Variants in LRRK1 observed in about 807,000 individuals in gnomAD.
LRRK1 encodes leucine-rich repeat serine/threonine-protein kinase 1.
LRRK1 carries 113 observed loss-of-function variants against 209.1 expected under a neutral mutation model. The ratio of observed to expected loss-of-function variants is 0.54; its 90% CI spans 0.46 to 0.63. The LOEUF (loss-of-function observed/expected upper bound fraction) is 0.63, where lower values mean the gene tolerates loss of function less well. Ranked by LOEUF, LRRK1 falls within the 30% of genes least tolerant of loss-of-function variation. The pLI is 0.00. For synonymous variants in LRRK1, 1,144 were observed against 1,099.7 expected (o/e 1.04, Z -0.80); for missense variants, 2,284 against 2,632.2 (o/e 0.87, Z 2.89).
intron 20 of LRRK1, among the ~76,000 whole-genome samples, chr15:101,042,444 A>G (rs917081962): frequency 1.3e-5 from 2 of 151,882 alleles, no homozygotes; most frequent in Admixed American, 1.3e-4. Flanking sequence ...CATGTGATCA[A>G]GGATGCCCAG....
At chr15:101,005,325 C>G (rs912585262) in intron 6 of LRRK1, among the ~76,000 whole-genome samples, 3 of 151,602 alleles carry the variant, frequency 2.0e-5, no homozygotes, top group Admixed American at 6.6e-5. Flanking sequence ...AAGACGACCA[C>G]CGGAAACAAT....
chr15:101,009,143 T>C lies in LRRK1; in HGVS notation c.989+80T>C, dbSNP rs537911934. 605 of 1,157,010 alleles carry C rather than the reference T, an allele frequency of 5.2e-4. 2 individuals are homozygous for C. The highest frequency in any genetic ancestry group is 1.4e-3 in the South Asian group (102 of 71,340). 71.7% of individuals were successfully genotyped at this position (1,157,010 alleles called of 1,614,324 possible). On this transcript the variant is annotated intron_variant, in intron 7 of 33. Transcript: ENST00000388948. ...CTCCTGCACATGCTCCCGGGTTGTA[T>C]TTTGTGGTTTTGGGGGAAAAATGTT...
intron 30 of LRRK1, among the ~76,000 whole-genome samples, chr15:101,061,763 C>T (rs1020671949): frequency 1.3e-5 from 2 of 152,196 alleles, no homozygotes; most frequent in African/African-American, 4.8e-5. Context: ...GTAATCCCAG[C>T]ACTTTGGGAG....
chr15:101,062,160 A>G (rs1439943956), intron 30 of LRRK1, among the ~76,000 whole-genome samples: 1 of 152,142 alleles, frequency 6.6e-6, no homozygotes, highest in East Asian at 1.9e-4. Flanking sequence ...AGAACAGTGA[A>G]CATTTCCTCC....
At chr15:100,974,005 C>T (rs776862593) in intron 3 of LRRK1, 38 bp downstream of exon 3, 1 of 1,242,254 alleles carries the variant, frequency 8.0e-7, no homozygotes, top group Non-Finnish European at 1.0e-6. Flanking sequence ...CCCATGCAGC[C>T]CCGGGCTGGA....
At chr15:101,034,028 C>T (rs1596302584) in intron 20 of LRRK1, among the ~76,000 whole-genome samples, 2 of 152,216 alleles carry the variant, frequency 1.3e-5, no homozygotes, top group Middle Eastern at 6.8e-3. Context: ...TGGTGTTGAG[C>T]ATTTTTCATA....
chr15:100,923,484 C>G (rs1300570727), intron 1 of LRRK1, among the ~76,000 whole-genome samples: 3 of 152,222 alleles, frequency 2.0e-5, no homozygotes, highest in Non-Finnish European at 2.9e-5. Context: ...TTACCTCGTA[C>G]TTCATCACAT....
chr15:101,016,166 TTTTG>T, intron 12 of LRRK1, among the ~76,000 whole-genome samples: 1 of 152,168 alleles, frequency 6.6e-6, no homozygotes, highest in African/African-American at 2.4e-5. Context: ...ATTTTTGTAT[TTTTG>T]GAGATGAGCC....
chr15:101,066,747 A>T lies in LRRK1; in HGVS notation c.5870+6A>T. On this transcript the variant is annotated splice_donor_region_variant and intron_variant, in intron 33 of 33. Transcript: ENST00000388948. ...CGAGAGCTGACTCCGCATGGGTAAG[A>T]CTGAGTGGCAGCTCCTTTAGGACCC... is the stretch of plus-strand genomic sequence containing the variant. 3 of 1,610,954 alleles carry T rather than the reference A, an allele frequency of 1.9e-6. No individual in the cohort carries two copies. The highest frequency in any genetic ancestry group is 2.5e-6 in the Non-Finnish European group (3 of 1,177,090).
chr15:101,008,447 CTTTCTT>C (rs2033077092), intron 6 of LRRK1, among the ~76,000 whole-genome samples: 1 of 152,186 alleles, frequency 6.6e-6, no homozygotes, highest in Non-Finnish European at 1.5e-5. Flanking sequence ...TGGGAGTCAG[CTTTCTT>C]CTCCAGTCTG....
In LRRK1 at chr15:101,022,381, A is replaced by G; in HGVS notation, c.1853-2A>G. On this transcript the variant is annotated splice_acceptor_variant, in intron 14 of 33. Transcript: ENST00000388948. LOFTEE classifies it high-confidence loss of function. This position sits in a 1 kb window ranked among gnomAD's most constrained non-coding sequence, Gnocchi z 4.0. ...ACCCTTCCCCTTAATGATTTTGCAC[A>G]GGCCCCAAAGCAATGCTGTCTTACC... 2.5e-6 allele frequency: 4 copies of G among 1,613,876 alleles called. No individual in the cohort carries two copies. The highest frequency in any genetic ancestry group is 3.4e-6 in the Non-Finnish European group (4 of 1,179,728).
chr15:100,987,287 C>G lies in LRRK1; in HGVS notation c.434-1347C>G, dbSNP rs538667872. On this transcript the variant is annotated intron_variant, in intron 4 of 33. Transcript: ENST00000388948. ...TCCTCACTTGGGAGCACTTTGATCC[C>G]TAGGACTATGTGCCTCTGGAAATGA... 1.4e-4 allele frequency among the ~76,000 whole-genome samples: 22 copies of G among 152,170 alleles called. No homozygotes were observed. The South Asian group carries it at 4.4e-3, about 30-fold the overall frequency.
intron 2 of LRRK1, among the ~76,000 whole-genome samples, chr15:100,943,285 T>C (rs2141613318): frequency 6.6e-6 from 1 of 152,342 alleles, no homozygotes; most frequent in South Asian, 2.1e-4. Context: ...AGAGTGGAAA[T>C]TCTGCCCCCT....
chr15:101,012,653 CCTGCACAGG>C (rs2033319584), intron 10 of LRRK1, among the ~76,000 whole-genome samples: 1 of 6,026 alleles, frequency 1.7e-4, no homozygotes. Context: ...CCCAGGCCAC[CCTGCACAGG>C]CTTCAGCCCC....
chr15:101,064,937 T>A lies in LRRK1; in HGVS notation c.4915-415T>A, dbSNP rs80008297. ...GCTTGCCATGCCCCCACTGCTGTCA[T>A]GTTAAGCAGCACCGAGAAAAGGGCG... On this transcript the variant is annotated intron_variant, in intron 31 of 33. Coordinates refer to ENST00000388948, the MANE Select transcript of LRRK1 (RefSeq NM_024652.6). 5 of 223,586 alleles carry A rather than the reference T, an allele frequency of 2.2e-5. No individual in the cohort carries two copies. In the Admixed American group the frequency reaches 2.6e-4, roughly 12 times the overall value. The allele number at this position is 223,586 out of a possible 1,614,324, so 13.9% of individuals were successfully genotyped here.
chr15:101,027,901 A>G lies in LRRK1; in HGVS notation c.2686+104A>G. 1 of 1,081,126 alleles carries G rather than the reference A, an allele frequency of 9.2e-7. No individual in the cohort carries two copies. Among genetic ancestry groups the G allele is most frequent in the Non-Finnish European group, 1.3e-6 (1 of 763,520 alleles). The allele number at this position is 1,081,126 out of a possible 1,614,324, so 67.0% of individuals were successfully genotyped here. A position where few individuals can be genotyped will look rare whatever the true frequency, so the allele number is the denominator to read the frequency against. ...AGTAATGAATGAGAGACCGACACCCAGCCTGCGTTTCTGCCTTCCATCCCC... is the reference window on the plus strand; with the variant it reads ...AGTAATGAATGAGAGACCGACACCCGGCCTGCGTTTCTGCCTTCCATCCCC... On this transcript the variant is annotated intron_variant, in intron 19 of 33. Transcript: ENST00000388948. This position sits in a 1 kb window ranked among gnomAD's most constrained non-coding sequence, Gnocchi z 5.1.
Position 101,027,382 on chromosome 15 carries a change from G to T in LRRK1, c.2526+1G>T, listed in dbSNP as rs1446143359. The stretch of plus-strand genomic sequence containing the variant: ...CTGCCAGCGACTGGCAGGGCGGCTG[G>T]TGGGTACCTTGCTGGTCCAGTTTAA... On this transcript the variant is annotated splice_donor_variant, in intron 18 of 33. Coordinates refer to ENST00000388948, the MANE Select transcript of LRRK1 (RefSeq NM_024652.6). LOFTEE classifies it high-confidence loss of function. The surrounding 1 kb of genome is among the most constrained non-coding windows in gnomAD (Gnocchi z 5.1). 1 of 1,613,180 alleles carries T rather than the reference G, an allele frequency of 6.2e-7. No homozygotes were observed. The highest frequency in any genetic ancestry group is 8.5e-7 in the Non-Finnish European group (1 of 1,179,916).
chr15:100,977,510 G>C (rs887536563), intron 3 of LRRK1, among the ~76,000 whole-genome samples: 1 of 152,196 alleles, frequency 6.6e-6, no homozygotes, highest in African/African-American at 2.4e-5. Flanking sequence ...CATGTGGGGA[G>C]CCTGGACTTC....
chr15:101,066,770 C>T, intron 33 of LRRK1, 29 bp downstream of exon 33: 3 of 1,569,030 alleles, frequency 1.9e-6, no homozygotes, highest in Non-Finnish European at 2.6e-6. Context: ...TCCTTTAGGA[C>T]CCAGGCAGCA....
Sources: gnomAD v4.1 joint callset for allele counts (sites outside exome capture counted in the v4.1 genomes callset) on GRCh38, gnomAD v4.1.1 for gene constraint, Gnocchi (gnomAD v3.1) non-coding constraint, MANE v1.5 for transcripts, NCBI Gene and HGNC (gene_info 2026-07-23, HGNC 2026-07-21) for gene names.